Variants in CHN2 observed in about 807,000 individuals in gnomAD.
The protein encoded by CHN2 is chimerin 2.
In CHN2, 35 loss-of-function variants were observed where a neutral mutation model predicts 56.3. The ratio of observed to expected loss-of-function variants is 0.62; its 90% CI spans 0.47 to 0.82. CHN2 has a LOEUF of 0.82. Among genes scored for constraint, CHN2 ranks in the 40% least tolerant of loss-of-function variants. The pLI is 0.00. For missense variants in CHN2, 491 were observed against 580.5 expected (o/e 0.85, Z 1.58); for synonymous variants, 210 against 212.8 (o/e 0.99, Z 0.12).
At chr7:29,414,298 A>G (rs1803524945) in intron 6 of CHN2, among the ~76,000 whole-genome samples, 1 of 152,174 alleles carries the variant, frequency 6.6e-6, no homozygotes, top group South Asian at 2.1e-4. Context: ...AAAATGATAT[A>G]CATGGAGATT....
At position 29,308,505 on chromosome 7, in the gene CHN2, C is replaced by A. The variant is rs542145004; in HGVS notation, c.50-46120C>A. Among the ~76,000 whole-genome samples the A allele has an allele frequency of 4.6e-5, 7 of 152,126 alleles. No individual in the cohort carries two copies. In the East Asian group the frequency reaches 1.4e-3, roughly 29 times the overall value. On this transcript the variant is annotated intron_variant, in intron 1 of 12. Transcript: ENST00000222792. Reference sequence around the variant, plus strand: ...TGTTGGGATAGGAATTGGGATTCTGCTTTGTTCCACACAGCCACCAACCAT... The same window carrying A: ...TGTTGGGATAGGAATTGGGATTCTGATTTGTTCCACACAGCCACCAACCAT...
chr7:29,270,367 A>T (rs1054865580), intron 1 of CHN2, among the ~76,000 whole-genome samples: 2 of 152,054 alleles, frequency 1.3e-5, no homozygotes. Context: ...TTAAAAAATG[A>T]TCTAGGTCGA....
At chr7:29,421,388 G>A (rs575243775) in intron 6 of CHN2, among the ~76,000 whole-genome samples, 60 of 152,272 alleles carry the variant, frequency 3.9e-4, no homozygotes, top group Non-Finnish European at 6.8e-4. Flanking sequence ...TCAGGGAAAC[G>A]GCTCTGGAAG....
At chr7:29,387,943 A>G (rs574854083) in intron 3 of CHN2, among the ~76,000 whole-genome samples, 40 of 152,320 alleles carry the variant, frequency 2.6e-4, no homozygotes, top group African/African-American at 9.4e-4. Flanking sequence ...ATACCTACTC[A>G]TTACTGCATT....
intron 1 of CHN2, among the ~76,000 whole-genome samples, chr7:29,334,049 CTTTTTTTTTT>C (rs70980529): frequency 2.4e-5 from 3 of 123,138 alleles, no homozygotes; most frequent in Non-Finnish European, 5.0e-5. Context: ...AATTTCTTTT[CTTTTTTTTTT>C]TTTTTTTTTT....
intron 1 of CHN2, among the ~76,000 whole-genome samples, chr7:29,210,290 G>A (rs939984957): frequency 6.6e-6 from 1 of 152,074 alleles, no homozygotes; most frequent in Non-Finnish European, 1.5e-5. Context: ...TGTCTGTACC[G>A]TAATTGCTTT....
chr7:29,298,643 A>T (rs1032542389), intron 1 of CHN2, among the ~76,000 whole-genome samples: 2 of 152,224 alleles, frequency 1.3e-5, no homozygotes, highest in African/African-American at 4.8e-5. Flanking sequence ...TGGCAGGATT[A>T]GCAGGAGAAT....
intron 1 of CHN2, among the ~76,000 whole-genome samples, chr7:29,333,556 T>TA (rs926073302): frequency 6.6e-6 from 1 of 152,208 alleles, no homozygotes; most frequent in Admixed American, 6.5e-5. Context: ...TGTATAGTTT[T>TA]AAAAATAAAA....
At chr7:29,352,269 A>G (rs1223880294) in intron 1 of CHN2, among the ~76,000 whole-genome samples, 1 of 152,134 alleles carries the variant, frequency 6.6e-6, no homozygotes, top group Non-Finnish European at 1.5e-5. Flanking sequence ...TGCGTCATAG[A>G]GTAAACCTCA....
intron 2 of CHN2, among the ~76,000 whole-genome samples, chr7:29,189,461 C>T (rs1000667451): frequency 6.6e-6 from 1 of 152,082 alleles, no homozygotes; most frequent in African/African-American, 2.4e-5. Context: ...GAAAAACAAA[C>T]TCACTCCCTG....
intron 1 of CHN2, among the ~76,000 whole-genome samples, chr7:29,273,377 A>ATATATATATATATATATATATATATGTG (rs1562882108): frequency 5.7e-5 from 3 of 52,404 alleles, no homozygotes; most frequent in East Asian, 2.6e-3. Context: ...ATATATATAT[A>ATATATATATATATATATATATATATGTG]TATATATATA....
rs149168098 is a variant in CHN2 at position 29,236,991 on chromosome 7, G to A, written c.49+42001G>A. On this transcript the variant is annotated intron_variant, in intron 1 of 12. Transcript: ENST00000222792. Reference sequence around the variant, plus strand: ...AGTCCCCTTTGCTGTGTAATGTAAGGTATTCAGAGGTTCCAGGGAAGAGGA... The same window carrying A: ...AGTCCCCTTTGCTGTGTAATGTAAGATATTCAGAGGTTCCAGGGAAGAGGA... Among the ~76,000 whole-genome samples the A allele has an allele frequency of 2.2e-3, 337 of 152,256 alleles. 4 individuals carry two copies. The highest frequency in any genetic ancestry group is 7.9e-3 in the African/African-American group (328 of 41,534).
intron 6 of CHN2, among the ~76,000 whole-genome samples, chr7:29,404,864 CAA>C (rs559257051): frequency 6.6e-6 from 1 of 151,344 alleles, no homozygotes; most frequent in African/African-American, 2.4e-5. Context: ...CGCATCCAGC[CAA>C]AAAAAGCTTT....
chr7:29,445,618 T>G (rs1457694148), intron 6 of CHN2, among the ~76,000 whole-genome samples: 1 of 152,192 alleles, frequency 6.6e-6, no homozygotes, highest in Non-Finnish European at 1.5e-5. Flanking sequence ...AGTTTAGATG[T>G]TTAACCCATT....
chr7:29,383,636 AT>A (rs1300311809), intron 3 of CHN2, among the ~76,000 whole-genome samples: 9 of 152,202 alleles, frequency 5.9e-5, no homozygotes, highest in African/African-American at 2.2e-4. Context: ...TAAGTAAAAT[AT>A]ATAGTATATC....
chr7:29,450,803 T>C lies in CHN2; in HGVS notation c.577-29476T>C, dbSNP rs560741375. Among the ~76,000 whole-genome samples the C allele has an allele frequency of 2.0e-5, 3 of 152,134 alleles. No individual in the cohort carries two copies. In the South Asian group the frequency reaches 6.2e-4, roughly 32 times the overall value. On this transcript the variant is annotated intron_variant, in intron 6 of 12. Transcript: ENST00000222792. Reference sequence around the variant, plus strand: ...CTTTTTTTTTTTTGAGATGGAGTCTTGCCCTGTTGGCAGGCTGGTGTGCGG... The same window carrying C: ...CTTTTTTTTTTTTGAGATGGAGTCTCGCCCTGTTGGCAGGCTGGTGTGCGG...
At chr7:29,278,213 A>T (rs1033325875) in intron 1 of CHN2, among the ~76,000 whole-genome samples, 1 of 152,140 alleles carries the variant, frequency 6.6e-6, no homozygotes, top group African/African-American at 2.4e-5. Flanking sequence ...AAAAGTACTT[A>T]TGCCTGGGTC....
intron 1 of CHN2, among the ~76,000 whole-genome samples, chr7:29,322,796 T>G (rs1355562262): frequency 2.6e-5 from 4 of 152,194 alleles, no homozygotes; most frequent in African/African-American, 4.8e-5. Context: ...GGAAGCACTG[T>G]GTAGCCATGC....
intron 1 of CHN2, among the ~76,000 whole-genome samples, chr7:29,252,589 T>TTTGTTTTGTTTTGTTTTG (rs1584873627): frequency 6.0e-5 from 2 of 33,418 alleles, no homozygotes; most frequent in Admixed American, 3.0e-4. Context: ...TTTTTTTTTT[T>TTTGTTTTGTTTTGTTTTG]TTTTTTTTTT....
Sources: gnomAD v4.1 joint callset for allele counts (sites outside exome capture counted in the v4.1 genomes callset) on GRCh38, gnomAD v4.1.1 for gene constraint, MANE v1.5 for transcripts, NCBI Gene and HGNC (gene_info 2026-07-23, HGNC 2026-07-21) for gene names.